The following CDH12 variants were observed in gnomAD, a reference collection of about 807,000 sequenced individuals.
CDH12 encodes cadherin 12.
Under a neutral mutation model 74.1 loss-of-function variants are expected in CDH12, and 41 were observed. The observed-to-expected ratio is 0.55, with a 90% CI of 0.43 to 0.72. The LOEUF (loss-of-function observed/expected upper bound fraction) is 0.72. Among genes scored for constraint, CDH12 ranks in the 30% least tolerant of loss-of-function variants. CDH12 has a pLI of 0.00. For synonymous variants in CDH12, 399 were observed against 355.0 expected, an observed-to-expected ratio of 1.12 and a Z score of -1.39; for missense variants, 945 against 977.2, an observed-to-expected ratio of 0.97 and a Z score of 0.44.
intron 1 of CDH12, among the ~76,000 whole-genome samples, chr5:22,654,627 GT>G (rs58293821): frequency 5.6e-5 from 8 of 143,622 alleles, no homozygotes; most frequent in Admixed American, 7.1e-5. Context: ...TTGTTTGCTT[GT>G]TTTTTTTTTG....
chr5:21,992,783 A>G (rs1228024689), intron 5 of CDH12, among the ~76,000 whole-genome samples: 1 of 152,164 alleles, frequency 6.6e-6, no homozygotes, highest in Non-Finnish European at 1.5e-5. Flanking sequence ...AACATACTTC[A>G]GTGTATTATT....
At chr5:22,015,924 T>G (rs1737574962) in intron 5 of CDH12, among the ~76,000 whole-genome samples, 1 of 152,290 alleles carries the variant, frequency 6.6e-6, no homozygotes, top group Admixed American at 6.5e-5. Flanking sequence ...TAATTATTTT[T>G]TAAAAGGAAA....
rs192432865 is a variant in CDH12 at position 22,528,669 on chromosome 5, A to G, written c.-522-23305T>C. ...CCTTCTCATGTCCAACAACATTAGG[A>G]GTGACCAGCCAATCTTATTATATTT... On this transcript the variant is annotated intron_variant, in intron 1 of 14. Transcript: ENST00000382254. Among the ~76,000 whole-genome samples, 433 of 152,244 alleles carry G rather than the reference A, an allele frequency of 2.8e-3. 2 individuals carry two copies. The highest frequency in any genetic ancestry group is 3.2e-3 in the Non-Finnish European group (221 of 68,014).
chr5:22,544,160 G>T (rs947798065), intron 1 of CDH12, among the ~76,000 whole-genome samples: 1 of 151,204 alleles, frequency 6.6e-6, no homozygotes. Context: ...TTGCCTATTT[G>T]GCTCTTTTCT....
chr5:22,563,074 A>ATT (rs1394188485), intron 1 of CDH12, among the ~76,000 whole-genome samples: 1 of 147,072 alleles, frequency 6.8e-6, no homozygotes, highest in Non-Finnish European at 1.5e-5. Flanking sequence ...AGATTTATAT[A>ATT]TTTATATATA....
At chr5:22,079,652 A>G (rs1742583040) in intron 4 of CDH12, among the ~76,000 whole-genome samples, 1 of 152,142 alleles carries the variant, frequency 6.6e-6, no homozygotes, top group Admixed American at 6.5e-5. Flanking sequence ...GACGTTGTGT[A>G]GCTCAGAGAA....
At chr5:22,167,058 C>T (rs1748725889) in intron 4 of CDH12, among the ~76,000 whole-genome samples, 3 of 152,004 alleles carry the variant, frequency 2.0e-5, no homozygotes, top group Admixed American at 6.6e-5. Flanking sequence ...ATAAAGGAGG[C>T]TAAACATGAT....
intron 1 of CDH12, among the ~76,000 whole-genome samples, chr5:22,669,520 C>T (rs1740797086): frequency 1.3e-5 from 2 of 152,198 alleles, no homozygotes; most frequent in Non-Finnish European, 2.9e-5. Flanking sequence ...CCTGGCTTTT[C>T]TTGCAACTAA....
chr5:21,904,640 C>A (rs1753554888), intron 6 of CDH12, among the ~76,000 whole-genome samples: 1 of 151,880 alleles, frequency 6.6e-6, no homozygotes, highest in South Asian at 2.1e-4. Flanking sequence ...ATTAGCCAAG[C>A]AAGGTGGCAT....
At chr5:22,827,871 T>C (rs757367290) in intron 1 of CDH12, among the ~76,000 whole-genome samples, 14 of 152,008 alleles carry the variant, frequency 9.2e-5, no homozygotes, top group Non-Finnish European at 1.9e-4. Flanking sequence ...AAATTAATAA[T>C]ACTAATTTTA....
chr5:22,489,690 CTTTT>C (rs753962922), intron 2 of CDH12, among the ~76,000 whole-genome samples: 5 of 120,656 alleles, frequency 4.1e-5, no homozygotes, highest in Non-Finnish European at 1.7e-5. Context: ...TGCAGTGTAA[CTTTT>C]TTTTTTTTTT....
At chr5:22,146,978 T>C (rs1747229461) in intron 4 of CDH12, among the ~76,000 whole-genome samples, 1 of 152,166 alleles carries the variant, frequency 6.6e-6, no homozygotes, top group Non-Finnish European at 1.5e-5. Flanking sequence ...TATTGTTTAT[T>C]GCAAATGGAC....
At chr5:22,007,897 A>G (rs192306788) in intron 5 of CDH12, among the ~76,000 whole-genome samples, 8 of 151,998 alleles carry the variant, frequency 5.3e-5, no homozygotes, top group Non-Finnish European at 1.2e-4. Context: ...TCATCTGTCT[A>G]TTTTCAGTTG....
intron 1 of CDH12, among the ~76,000 whole-genome samples, chr5:22,509,552 T>C (rs1037078062): frequency 2.0e-5 from 3 of 151,768 alleles, no homozygotes; most frequent in Non-Finnish European, 4.4e-5. Flanking sequence ...CACAGAAAAA[T>C]AAGGGTATGA....
At chr5:22,827,874 T>C (rs1283994697) in intron 1 of CDH12, among the ~76,000 whole-genome samples, 1 of 151,992 alleles carries the variant, frequency 6.6e-6, no homozygotes, top group East Asian at 1.9e-4. Context: ...TTAATAATAC[T>C]AATTTTATTC....
At chr5:22,422,299 G>C (rs1285384570) in intron 2 of CDH12, among the ~76,000 whole-genome samples, 1 of 152,042 alleles carries the variant, frequency 6.6e-6, no homozygotes, top group African/African-American at 2.4e-5. Flanking sequence ...TCACCTGAAG[G>C]GATGTTGAAT....
intron 1 of CDH12, among the ~76,000 whole-genome samples, chr5:22,599,301 C>T (rs1430065955): frequency 6.6e-6 from 1 of 152,016 alleles, no homozygotes; most frequent in Admixed American, 6.6e-5. Context: ...TGATAAGATT[C>T]GGGAATAGGC....
intron 1 of CDH12, among the ~76,000 whole-genome samples, chr5:22,562,295 C>A (rs557015240): frequency 2.6e-5 from 4 of 151,574 alleles, no homozygotes; most frequent in Admixed American, 6.6e-5. Flanking sequence ...CCAGCCTGGG[C>A]GACAGAGCGA....
intron 3 of CDH12, among the ~76,000 whole-genome samples, chr5:22,285,108 T>A (rs184248132): frequency 3.6e-4 from 55 of 152,238 alleles, no homozygotes; most frequent in Non-Finnish European, 2.4e-4. Context: ...AATCAAAAAA[T>A]TAATTAGTCT....
Sources: allele counts gnomAD v4.1 joint callset (sites outside exome capture counted in the v4.1 genomes callset), GRCh38; gene constraint gnomAD v4.1.1; transcripts MANE v1.5; gene names NCBI Gene and HGNC (gene_info 2026-07-23, HGNC 2026-07-21).